The following ZPLD1 variants were observed in gnomAD, a reference collection of about 807,000 sequenced individuals.
ZPLD1 encodes zona pellucida like domain containing 1.
ZPLD1 carries 34 observed loss-of-function variants against 47.2 expected under a neutral mutation model. That is an observed-to-expected ratio of 0.72 (90% CI 0.55 to 0.96). The LOEUF (loss-of-function observed/expected upper bound fraction) is 0.96. Ranked by LOEUF, ZPLD1 falls within the 40% of genes least tolerant of loss-of-function variation. ZPLD1 has a pLI of 0.00. For synonymous variants in ZPLD1, 176 were observed against 186.2 expected (o/e 0.95, Z 0.45); for missense variants, 512 against 505.8 (o/e 1.01, Z -0.12).
intron 6 of ZPLD1, among the ~76,000 whole-genome samples, chr3:102,391,922 CTTT>C (rs35742559): frequency 6.6e-6 from 1 of 152,062 alleles, no homozygotes; most frequent in South Asian, 2.1e-4. Context: ...CTGCAACCTG[CTTT>C]TTCGAGCTCA....
intron 9 of ZPLD1, 99 bp from the exon 10 acceptor site, chr3:102,470,295 C>A: frequency 2.5e-6 from 2 of 800,132 alleles, no homozygotes; most frequent in Non-Finnish European, 4.2e-6. Context: ...TAAAATTAAA[C>A]ATGTGGTATC....
At chr3:102,433,761 C>T (rs538625870), upstream of ZPLD1, among the ~76,000 whole-genome samples, 182 of 152,254 alleles carry the variant, frequency 1.2e-3, 1 homozygote, top group Non-Finnish European at 1.6e-3. Context: ...GATCTCCTGA[C>T]CTCGTGATAC....
intron 6 of ZPLD1, among the ~76,000 whole-genome samples, chr3:102,461,075 C>CT (rs1305386008): frequency 1.4e-4 from 21 of 151,824 alleles, no homozygotes; most frequent in Non-Finnish European, 2.4e-4. Flanking sequence ...TTCGTATTAA[C>CT]TTTTTTTCCA....
intron 8 of ZPLD1, among the ~76,000 whole-genome samples, chr3:102,424,955 ACT>A (rs901168879): frequency 5.3e-5 from 8 of 150,474 alleles, no homozygotes; most frequent in African/African-American, 2.0e-4. Flanking sequence ...AATTAGTAAA[ACT>A]CTCCAAGGCT....
In ZPLD1 at chr3:102,435,251, C is replaced by T. The variant is rs1707071476; in HGVS notation, c.-123+97C>T. 2.3e-6 allele frequency: 3 copies of T among 1,330,064 alleles called. No homozygotes were observed. The African/African-American group carries it at 4.3e-5, about 19-fold the overall frequency. 82.4% of individuals were successfully genotyped at this position (1,330,064 alleles called of 1,614,324 possible). A position where few individuals can be genotyped will look rare whatever the true frequency, so the allele number is the denominator to read the frequency against. ...AGAAGGCTTGAAAATGTCGTAAGCCCTGCCAAGACTATAGAGATTCAAAAT... is the reference window on the plus strand; with the variant it reads ...AGAAGGCTTGAAAATGTCGTAAGCCTTGCCAAGACTATAGAGATTCAAAAT... On this transcript the variant is annotated intron_variant, in intron 1 of 11. Transcript: ENST00000466937.
chr3:102,432,673 C>T (rs1309196040), upstream of ZPLD1, among the ~76,000 whole-genome samples: 1 of 151,948 alleles, frequency 6.6e-6, no homozygotes, highest in African/African-American at 2.4e-5. Flanking sequence ...TTTTCTCAGG[C>T]ACTAAGAGCC....
Position 102,470,446 on chromosome 3 carries a change from C to T in ZPLD1, c.986C>T (p.Pro329Leu), listed in dbSNP as rs771169729. 6 of 1,613,976 alleles carry T rather than the reference C, an allele frequency of 3.7e-6. No individual in the cohort carries two copies. The highest frequency in any genetic ancestry group is 1.6e-4 in the Middle Eastern group (1 of 6,062). The change falls in exon 10 of 12, where the codon CCC becomes CTC. Residue 329 changes from proline to leucine, a missense_variant. By Grantham distance (98) the Pro-to-Leu change is moderately conservative. Transcript: ENST00000466937. Reference protein sequence around the residue: ...RDAGRRTTWSPQSSSGSAVLS... With the variant: ...RDAGRRTTWSLQSSSGSAVLS... ...GCTGGGAGGAGGACGACTTGGAGCC[C>T]CCAGAGCTCTTCTGGCAGCGCGGTG...
At chr3:102,467,989 A>G (rs1005993906) in intron 8 of ZPLD1, among the ~76,000 whole-genome samples, 1 of 152,126 alleles carries the variant, frequency 6.6e-6, no homozygotes, top group Non-Finnish European at 1.5e-5. Flanking sequence ...GAAAATGGCC[A>G]AGAACACAAC....
intron 6 of ZPLD1, among the ~76,000 whole-genome samples, chr3:102,461,308 T>C (rs1707503648): frequency 6.6e-6 from 1 of 151,962 alleles, no homozygotes; most frequent in South Asian, 2.1e-4. Context: ...CTGCTTAAAT[T>C]TGGAGGGTTT....
intron 7 of ZPLD1, among the ~76,000 whole-genome samples, chr3:102,397,592 A>G (rs1706572500): frequency 6.6e-6 from 1 of 152,052 alleles, no homozygotes. Flanking sequence ...ACAAGTAGTG[A>G]TATTTGGTCT....
At chr3:102,389,425 G>A (rs1166691589) in intron 6 of ZPLD1, among the ~76,000 whole-genome samples, 2 of 152,192 alleles carry the variant, frequency 1.3e-5, no homozygotes, top group East Asian at 1.9e-4. Context: ...ATGAACAAAG[G>A]TTCTAGGTAA....
intron 7 of ZPLD1, among the ~76,000 whole-genome samples, chr3:102,408,738 A>G (rs1375209203): frequency 5.9e-5 from 9 of 151,812 alleles, no homozygotes; most frequent in Non-Finnish European, 8.8e-5. Context: ...ATCTTAGTCA[A>G]TGGTCCCTTA....
At chr3:102,394,895 T>C (rs1216088636) in intron 7 of ZPLD1, among the ~76,000 whole-genome samples, 1 of 152,144 alleles carries the variant, frequency 6.6e-6, no homozygotes, top group African/African-American at 2.4e-5. Flanking sequence ...GACTCTCCTT[T>C]TCAAAAGATT....
At chr3:102,450,576 C>T (rs1284269772) in intron 3 of ZPLD1, among the ~76,000 whole-genome samples, 1 of 152,058 alleles carries the variant, frequency 6.6e-6, no homozygotes, top group African/African-American at 2.4e-5. Flanking sequence ...ACTTGAGCAC[C>T]TAGTTCAAGA....
chr3:102,433,337 G>C (rs1316513112), upstream of ZPLD1, among the ~76,000 whole-genome samples: 1 of 152,126 alleles, frequency 6.6e-6, no homozygotes, highest in African/African-American at 2.4e-5. Flanking sequence ...AACAGTGGCT[G>C]TCTGCTTAGC....
chr3:102,391,134 G>A (rs1018239690), intron 6 of ZPLD1, among the ~76,000 whole-genome samples: 1 of 152,072 alleles, frequency 6.6e-6, no homozygotes, highest in Admixed American at 6.6e-5. Context: ...AGTTTCTTTG[G>A]AGAGAGAGCT....
At chr3:102,471,113 T>C (rs1295771873) in intron 10 of ZPLD1, among the ~76,000 whole-genome samples, 1 of 152,176 alleles carries the variant, frequency 6.6e-6, no homozygotes, top group Non-Finnish European at 1.5e-5. Context: ...TGGATCCGCT[T>C]CACCGTCCTC....
At chr3:102,407,332 A>G (rs73146520) in intron 7 of ZPLD1, among the ~76,000 whole-genome samples, 17,987 of 136,702 alleles carry the variant, frequency 0.13, 1,251 homozygotes, top group Middle Eastern at 0.17. Context: ...CAACTCTATA[A>G]CTAATAGGTA....
At chr3:102,434,291 A>C (rs2107316982), upstream of ZPLD1, among the ~76,000 whole-genome samples, 1 of 152,342 alleles carries the variant, frequency 6.6e-6, no homozygotes, top group South Asian at 2.1e-4. Flanking sequence ...TGACAGAACT[A>C]TACCAATTAA....
Sources: gnomAD v4.1 joint callset for allele counts (sites outside exome capture counted in the v4.1 genomes callset) on GRCh38, gnomAD v4.1.1 for gene constraint, MANE v1.5 for transcripts, NCBI Gene and HGNC (gene_info 2026-07-23, HGNC 2026-07-21) for gene names.